The following RAP1GAP2 variants were observed in gnomAD, a reference collection of about 807,000 sequenced individuals.
RAP1GAP2 encodes RAP1 GTPase activating protein 2, also known as rap1 GTPase-activating protein 2.
RAP1GAP2 carries 27 observed loss-of-function variants against 95.0 expected under a neutral mutation model. The observed-to-expected ratio is 0.28, with a 90% CI of 0.21 to 0.39. The LOEUF (loss-of-function observed/expected upper bound fraction) is 0.39. RAP1GAP2 is among the 10% of genes least tolerant of loss of function. The pLI is 1.00. For missense variants in RAP1GAP2, 771 were observed against 970.0 expected (o/e 0.79, Z 2.72); for synonymous variants, 373 against 380.9 (o/e 0.98, Z 0.24).
chr17:2,797,749 C>T lies in RAP1GAP2; in HGVS notation c.44+1178C>T, dbSNP rs1359945608. 1.0e-6 allele frequency: 1 copy of T among 985,282 alleles called. No individual in the cohort carries two copies. The highest frequency in any genetic ancestry group is 1.2e-6 in the Non-Finnish European group (1 of 829,940). The allele number at this position is 985,282 out of a possible 1,614,324, so 61.0% of individuals were successfully genotyped here. A position where few individuals can be genotyped will look rare whatever the true frequency, so the allele number is the denominator to read the frequency against. ...GCCTGTGTCTGCTCTCGGGCCCTCC[C>T]TGACGCCTGGATCTGGGAGCTGCCA... On this transcript the variant is annotated intron_variant, in intron 1 of 24. Transcript: ENST00000254695. This position sits in a 1 kb window ranked among gnomAD's most constrained non-coding sequence, Gnocchi z 5.6.
upstream of RAP1GAP2, among the ~76,000 whole-genome samples, chr17:2,775,379 G>A (rs182587802): frequency 5.4e-4 from 82 of 152,146 alleles, no homozygotes; most frequent in African/African-American, 1.9e-3. Flanking sequence ...TGGGGACTCT[G>A]GAAGAGGTGG....
chr17:2,927,066 G>A (rs1483096908), intron 3 of RAP1GAP2, among the ~76,000 whole-genome samples: 1 of 151,288 alleles, frequency 6.6e-6, no homozygotes, highest in Non-Finnish European at 1.5e-5. Flanking sequence ...AGGCTCTAGG[G>A]GACAATCTAT....
chr17:2,976,930 T>A (rs1008599715), intron 8 of RAP1GAP2, among the ~76,000 whole-genome samples: 2 of 151,204 alleles, frequency 1.3e-5, no homozygotes, highest in Non-Finnish European at 3.0e-5. Flanking sequence ...AGGTCAGAAG[T>A]TCAAGACCAG....
Position 3,029,017 on chromosome 17 carries a change from C to G in RAP1GAP2, c.2108-1905C>G, listed in dbSNP as rs150286707. Among the ~76,000 whole-genome samples, 87 of 152,272 alleles carry G rather than the reference C, an allele frequency of 5.7e-4. No homozygotes were observed. Among genetic ancestry groups the G allele is most frequent in the Middle Eastern group, 3.4e-3 (1 of 294 alleles). The stretch of plus-strand genomic sequence containing the variant: ...GTTTCACCATGTTGGCCAGGCTGGT[C>G]TCGAACTCCTGACCTCGTGATCCAC... On this transcript the variant is annotated intron_variant, in intron 22 of 24. Transcript: ENST00000254695. The surrounding 1 kb of genome is among the most constrained non-coding windows in gnomAD (Gnocchi z 4.4).
chr17:3,005,382 C>T lies in RAP1GAP2; in HGVS notation c.1214C>T (p.Ala405Val), dbSNP rs778841447. Residue 405 changes from alanine (A) to valine (V), a missense_variant, in exon 15 of 25, where the codon GCG (alanine) becomes GTG (valine). Coordinates refer to ENST00000254695, the MANE Select transcript of RAP1GAP2 (RefSeq NM_015085.5). The surrounding 1 kb of genome is among the most constrained non-coding windows in gnomAD (Gnocchi z 5.2). ...TGTTTCACTCAGGTCTCTGTCACTG[C>T]GCGGGAAGATGTGCCCACCTTTGGT... ...ETPSYKVSVT[A>V]REDVPTFGPP... The T allele has an allele frequency of 3.1e-6, 5 of 1,613,846 alleles. No homozygotes were observed. The highest frequency in any genetic ancestry group is 1.6e-4 in the Middle Eastern group (1 of 6,062).
rs1375626561 is a variant in RAP1GAP2, at chr17:3,036,742, C to G, written c.*3381C>G. 2 of 152,638 alleles carry G rather than the reference C, an allele frequency of 1.3e-5. No individual in the cohort carries two copies. Among genetic ancestry groups the G allele is most frequent in the Non-Finnish European group, 2.9e-5 (2 of 68,038 alleles). 9.5% of individuals were successfully genotyped at this position (152,638 alleles called of 1,614,324 possible). A position where few individuals can be genotyped will look rare whatever the true frequency, so the allele number is the denominator to read the frequency against. On this transcript the variant is annotated 3_prime_UTR_variant, in exon 25 of 25. Transcript: ENST00000254695. ...AAGAGGAAAAGTGGTCAAAGAAAAACTCTTCATTTCTCCCTGATTCTTAAA... is the reference window on the plus strand; with the variant it reads ...AAGAGGAAAAGTGGTCAAAGAAAAAGTCTTCATTTCTCCCTGATTCTTAAA...
Position 3,005,573 on chromosome 17 carries a change from C to T in RAP1GAP2, c.1272+133C>T. ...CTCCTTTTGCAGGTTTTGGGGGGAACCTCCTTTCTTGGGGTCTCTCCCCAC... is the reference window on the plus strand; with the variant it reads ...CTCCTTTTGCAGGTTTTGGGGGGAATCTCCTTTCTTGGGGTCTCTCCCCAC... On this transcript the variant is annotated intron_variant, in intron 15 of 24. Transcript: ENST00000254695. The surrounding 1 kb of genome is among the most constrained non-coding windows in gnomAD (Gnocchi z 5.2). The T allele has an allele frequency of 9.6e-7, 1 of 1,045,434 alleles. No homozygotes were observed. The highest frequency in any genetic ancestry group is 1.8e-5 in the Admixed American group (1 of 56,966). The allele number at this position is 1,045,434 out of a possible 1,614,324, so 64.8% of individuals were successfully genotyped here.
At chr17:2,927,339 G>C (rs993596364) in intron 3 of RAP1GAP2, among the ~76,000 whole-genome samples, 7 of 152,040 alleles carry the variant, frequency 4.6e-5, no homozygotes, top group South Asian at 4.1e-4. Flanking sequence ...ATTTTTAGTA[G>C]AGACGGGGTT....
intron 1 of RAP1GAP2, among the ~76,000 whole-genome samples, chr17:2,788,995 A>G (rs2068856757): frequency 2.0e-5 from 3 of 152,220 alleles, no homozygotes. Context: ...TAACCAGCAC[A>G]GAGATATTGC....
intron 2 of RAP1GAP2, among the ~76,000 whole-genome samples, chr17:2,887,737 C>T (rs1242099352): frequency 2.7e-5 from 4 of 146,472 alleles, no homozygotes; most frequent in African/African-American, 5.1e-5. Flanking sequence ...TGCAGTGATG[C>T]AATCTCAGCT....
chr17:2,925,300 GA>G (rs753974376), intron 3 of RAP1GAP2, among the ~76,000 whole-genome samples: 2 of 152,148 alleles, frequency 1.3e-5, no homozygotes, highest in Non-Finnish European at 2.9e-5. Flanking sequence ...ATAAATAGAA[GA>G]AATACCGGAG....
At chr17:2,889,874 TATATATATATATA>T (rs1467025509) in intron 2 of RAP1GAP2, among the ~76,000 whole-genome samples, 4 of 76,790 alleles carry the variant, frequency 5.2e-5, no homozygotes, top group Non-Finnish European at 9.6e-5. Context: ...TATATATATA[TATATATATATATA>T]TATTTTTTTT....
chr17:2,842,264 G>A (rs1040405914), intron 2 of RAP1GAP2, among the ~76,000 whole-genome samples: 27 of 152,090 alleles, frequency 1.8e-4, no homozygotes, highest in African/African-American at 5.8e-4. Flanking sequence ...GGGCTAGCCA[G>A]GTGTGTGGTG....
intron 3 of RAP1GAP2, among the ~76,000 whole-genome samples, chr17:2,908,718 TA>T (rs947923530): frequency 6.6e-6 from 1 of 151,636 alleles, no homozygotes; most frequent in African/African-American, 2.4e-5. Flanking sequence ...TCTTTTAAAT[TA>T]AAAAAAAATT....
Position 2,963,417 on chromosome 17 carries a change from G to T in RAP1GAP2, c.247-13G>T. 6.2e-7 allele frequency: 1 copy of T among 1,613,746 alleles called. No homozygotes were observed. The highest frequency in any genetic ancestry group is 1.1e-5 in the South Asian group (1 of 91,078). Reference sequence around the variant, plus strand: ...CCGGGACTAACGGTGGCATCATCTGGTTTGTCTTGCAGGACGACTATATCC... The same window carrying T: ...CCGGGACTAACGGTGGCATCATCTGTTTTGTCTTGCAGGACGACTATATCC... On this transcript the variant is annotated splice_polypyrimidine_tract_variant and intron_variant, in intron 5 of 24. Transcript: ENST00000254695. The surrounding 1 kb of genome is among the most constrained non-coding windows in gnomAD (Gnocchi z 4.8).
chr17:2,927,287 G>T (rs2042990976), intron 3 of RAP1GAP2, among the ~76,000 whole-genome samples: 1 of 151,896 alleles, frequency 6.6e-6, no homozygotes. Context: ...CCGAGTAGCT[G>T]GGACTACAGG....
At chr17:2,790,942 C>T (rs1361403155) in intron 1 of RAP1GAP2, among the ~76,000 whole-genome samples, 3 of 152,230 alleles carry the variant, frequency 2.0e-5, no homozygotes, top group Admixed American at 6.5e-5. Context: ...CCGTGGCTCA[C>T]GCCTGTAATC....
chr17:2,828,170 A>G (rs1314126748), intron 2 of RAP1GAP2, among the ~76,000 whole-genome samples: 2 of 152,084 alleles, frequency 1.3e-5, no homozygotes, highest in Non-Finnish European at 2.9e-5. Context: ...GGGAAACCCT[A>G]TCTCTACTAA....
intron 2 of RAP1GAP2, among the ~76,000 whole-genome samples, chr17:2,829,181 G>A (rs879411078): frequency 2.4e-4 from 36 of 151,632 alleles, no homozygotes; most frequent in Admixed American, 1.9e-3. Flanking sequence ...ACGGGGTTTC[G>A]CCATGTTGGC....
Sources: gnomAD v4.1 joint callset for allele counts (sites outside exome capture counted in the v4.1 genomes callset) on GRCh38, gnomAD v4.1.1 for gene constraint, Gnocchi (gnomAD v3.1) non-coding constraint, MANE v1.5 for transcripts, NCBI Gene and HGNC (gene_info 2026-07-23, HGNC 2026-07-21) for gene names.